The following PLPPR1 variants were observed in gnomAD, a reference collection of about 807,000 sequenced individuals.
PLPPR1 encodes phospholipid phosphatase-related protein type 1.
Under a neutral mutation model 33.1 loss-of-function variants are expected in PLPPR1, and 10 were observed. That is an observed-to-expected ratio of 0.30 (90% CI 0.19 to 0.51). PLPPR1 has a LOEUF of 0.51. PLPPR1 is among the 20% of genes least tolerant of loss of function. The pLI, the probability that PLPPR1 is intolerant of heterozygous loss-of-function variation, is 0.97. For synonymous variants in PLPPR1, 151 were observed against 151.0 expected (o/e 1.00, Z 0.00); for missense variants, 304 against 408.1 (o/e 0.74, Z 2.20).
At chr9:101,063,910 T>A (rs1245196652) in intron 1 of PLPPR1, among the ~76,000 whole-genome samples, 1 of 152,250 alleles carries the variant, frequency 6.6e-6, no homozygotes, top group East Asian at 1.9e-4. Context: ...CTCATGAAAC[T>A]AGGTATATGA....
chr9:101,186,991 TAACTC>T (rs1251756684), intron 2 of PLPPR1, among the ~76,000 whole-genome samples: 5 of 151,906 alleles, frequency 3.3e-5, no homozygotes, highest in Admixed American at 6.6e-5. Flanking sequence ...GATGCCAAAA[TAACTC>T]CATTCAGACA....
chr9:101,313,512 T>C (rs967702440), intron 6 of PLPPR1, among the ~76,000 whole-genome samples: 1 of 152,192 alleles, frequency 6.6e-6, no homozygotes, highest in Non-Finnish European at 1.5e-5. Flanking sequence ...TCTGTTACTA[T>C]TGGAACATGC....
intron 1 of PLPPR1, among the ~76,000 whole-genome samples, chr9:101,094,524 T>A (rs1671098529): frequency 6.6e-6 from 1 of 152,170 alleles, no homozygotes; most frequent in Non-Finnish European, 1.5e-5. Context: ...CAGATTAGAT[T>A]AATAGATTAT....
chr9:101,029,624 C>T (rs562117122), intron 1 of PLPPR1, among the ~76,000 whole-genome samples: 1 of 152,314 alleles, frequency 6.6e-6, no homozygotes, highest in East Asian at 1.9e-4. Context: ...GTCCTAGGCG[C>T]ATAGTGGGGT....
chr9:101,193,574 T>C (rs539101791), intron 2 of PLPPR1, among the ~76,000 whole-genome samples: 3 of 152,350 alleles, frequency 2.0e-5, no homozygotes, highest in Admixed American at 2.0e-4. Context: ...TATCTTAAGA[T>C]ATATTATTCA....
intron 2 of PLPPR1, among the ~76,000 whole-genome samples, chr9:101,263,316 A>ATCTT (rs1393269503): frequency 1.3e-5 from 2 of 152,124 alleles, no homozygotes; most frequent in Non-Finnish European, 2.9e-5. Context: ...TTTGCTTTTG[A>ATCTT]TCTTATAGAT....
chr9:101,030,447 A>T (rs1829931343), intron 1 of PLPPR1, among the ~76,000 whole-genome samples: 1 of 151,400 alleles, frequency 6.6e-6, no homozygotes, highest in Non-Finnish European at 1.5e-5. Flanking sequence ...AGAATGTCAC[A>T]TCTGGAGCGT....
chr9:101,194,626 C>A (rs1188445588), intron 2 of PLPPR1, among the ~76,000 whole-genome samples: 1 of 151,926 alleles, frequency 6.6e-6, no homozygotes, highest in African/African-American at 2.4e-5. Context: ...TGGTGCACGC[C>A]TGTAATCTCA....
At chr9:101,137,370 T>C (rs1831389236) in intron 1 of PLPPR1, among the ~76,000 whole-genome samples, 1 of 151,996 alleles carries the variant, frequency 6.6e-6, no homozygotes, top group Non-Finnish European at 1.5e-5. Context: ...TCACAAGGAA[T>C]GGAAGTTGGA....
At chr9:101,197,402 G>C (rs1428480516) in intron 2 of PLPPR1, among the ~76,000 whole-genome samples, 1 of 152,166 alleles carries the variant, frequency 6.6e-6, no homozygotes, top group Non-Finnish European at 1.5e-5. Flanking sequence ...ATTTAAGGCA[G>C]ACTTCCATGT....
intron 2 of PLPPR1, among the ~76,000 whole-genome samples, chr9:101,185,871 G>T (rs1391310945): frequency 6.6e-6 from 1 of 151,722 alleles, no homozygotes; most frequent in South Asian, 2.1e-4. Flanking sequence ...AACTATGAAA[G>T]AGAATGAAGC....
At chr9:101,073,074 A>G (rs10989375) in intron 1 of PLPPR1, among the ~76,000 whole-genome samples, 5,931 of 152,298 alleles carry the variant, frequency 0.039, 176 homozygotes, top group East Asian at 0.082. Context: ...TATTATGCAG[A>G]TAAAACAAAG....
At chr9:101,166,447 G>A (rs1825859675) in intron 1 of PLPPR1, among the ~76,000 whole-genome samples, 1 of 152,138 alleles carries the variant, frequency 6.6e-6, no homozygotes. Context: ...TAGGCAAGAA[G>A]TTGTGAAACT....
At chr9:101,046,722 C>T (rs138241913) in intron 1 of PLPPR1, among the ~76,000 whole-genome samples, 30 of 152,206 alleles carry the variant, frequency 2.0e-4, no homozygotes, top group African/African-American at 6.7e-4. Flanking sequence ...GGATTACAGG[C>T]GTGAACCACT....
intron 1 of PLPPR1, among the ~76,000 whole-genome samples, chr9:101,160,389 G>A (rs1831757328): frequency 6.6e-6 from 1 of 152,168 alleles, no homozygotes; most frequent in African/African-American, 2.4e-5. Context: ...CCTGGCAGAT[G>A]ATGTAAAGTG....
rs1007505876 is a variant in PLPPR1, at chr9:101,307,845, T to G, written c.386-1366T>G. 9.2e-5 allele frequency among the ~76,000 whole-genome samples: 14 copies of G among 152,210 alleles called. No homozygotes were observed. The South Asian group carries it at 2.9e-3, about 32-fold the overall frequency. ...AAGGGTTAATGCTGCCTCTCGCACT[T>G]GTCAACTTCTACCTTCAATTGCATA... is the stretch of plus-strand genomic sequence containing the variant. On this transcript the variant is annotated intron_variant, in intron 4 of 7. Transcript: ENST00000374874.
At chr9:101,041,038 G>A (rs138076682) in intron 1 of PLPPR1, among the ~76,000 whole-genome samples, 1 of 152,288 alleles carries the variant, frequency 6.6e-6, no homozygotes, top group Non-Finnish European at 1.5e-5. Flanking sequence ...GCCCAGAATG[G>A]GGGAGATCTG....
intron 2 of PLPPR1, among the ~76,000 whole-genome samples, chr9:101,261,804 C>T (rs894996074): frequency 1.3e-5 from 2 of 151,922 alleles, no homozygotes; most frequent in East Asian, 3.9e-4. Context: ...GATAACACAT[C>T]GACACATAGA....
intron 2 of PLPPR1, among the ~76,000 whole-genome samples, chr9:101,191,174 C>G (rs996045386): frequency 1.3e-5 from 2 of 152,070 alleles, no homozygotes; most frequent in Non-Finnish European, 2.9e-5. Flanking sequence ...TGCTCTGGTT[C>G]TACCAGAGCA....
Sources: gnomAD v4.1 joint callset for allele counts (sites outside exome capture counted in the v4.1 genomes callset) on GRCh38, gnomAD v4.1.1 for gene constraint, MANE v1.5 for transcripts, NCBI Gene and HGNC (gene_info 2026-07-23, HGNC 2026-07-21) for gene names.